KIAA0825: variants seen among roughly 807,000 people sequenced by gnomAD.
KIAA0825 encodes the protein uncharacterized protein KIAA0825.
Under a neutral mutation model 147.6 loss-of-function variants are expected in KIAA0825, and 119 were observed. The observed-to-expected ratio is 0.81, with a 90% CI of 0.69 to 0.94. The LOEUF is 0.94. Among genes scored for constraint, KIAA0825 ranks in the 40% least tolerant of loss-of-function variants. The pLI is 0.00. For synonymous variants in KIAA0825, 470 were observed against 518.1 expected (o/e 0.91, Z 1.26); for missense variants, 1,381 against 1,472.7 (o/e 0.94, Z 1.02).
chr5:94,501,669 C>G (rs1486072559), intron 5 of KIAA0825, among the ~76,000 whole-genome samples: 2 of 152,148 alleles, frequency 1.3e-5, no homozygotes, highest in Non-Finnish European at 2.9e-5. Flanking sequence ...CTTGATGAAT[C>G]TATCTAGATA....
At chr5:94,256,248 C>T (rs911906270) in intron 20 of KIAA0825, among the ~76,000 whole-genome samples, 9 of 152,094 alleles carry the variant, frequency 5.9e-5, no homozygotes, top group African/African-American at 2.2e-4. Context: ...GATGGACCAT[C>T]AACAAGTTTT....
chr5:94,381,992 C>T (rs1279419672), intron 20 of KIAA0825, among the ~76,000 whole-genome samples: 1 of 152,066 alleles, frequency 6.6e-6, no homozygotes, highest in Non-Finnish European at 1.5e-5. Flanking sequence ...GTTCACTTTT[C>T]TTTGTAATAT....
chr5:94,257,680 G>T (rs577637886), intron 20 of KIAA0825, among the ~76,000 whole-genome samples: 8 of 152,170 alleles, frequency 5.3e-5, no homozygotes, highest in Admixed American at 4.6e-4. Context: ...ATAGCCCTGA[G>T]AATCTATAGT....
intron 7 of KIAA0825, among the ~76,000 whole-genome samples, chr5:94,474,647 T>C (rs998276768): frequency 4.6e-5 from 7 of 152,232 alleles, no homozygotes; most frequent in Admixed American, 3.9e-4. Flanking sequence ...TGATTCATTT[T>C]TTAGAGCTAA....
chr5:94,293,897 G>A (rs1005387305), intron 20 of KIAA0825, among the ~76,000 whole-genome samples: 1 of 151,860 alleles, frequency 6.6e-6, no homozygotes, highest in Non-Finnish European at 1.5e-5. Context: ...ATCTTTGTTG[G>A]TTTAAAGTCT....
chr5:94,379,843 T>TC (rs1274195693), intron 20 of KIAA0825, among the ~76,000 whole-genome samples: 2 of 144,256 alleles, frequency 1.4e-5, no homozygotes, highest in African/African-American at 5.2e-5. Flanking sequence ...GGTATTTTAT[T>TC]CTTTTTTTTT....
intron 2 of KIAA0825, among the ~76,000 whole-genome samples, chr5:94,557,242 A>C (rs190793326): frequency 3.3e-5 from 5 of 152,022 alleles, no homozygotes; most frequent in Non-Finnish European, 7.4e-5. Flanking sequence ...ACTCCTCCTA[A>C]CTGGGACTAC....
At chr5:94,347,388 C>T (rs867422683) in intron 20 of KIAA0825, among the ~76,000 whole-genome samples, 4 of 152,332 alleles carry the variant, frequency 2.6e-5, no homozygotes, top group African/African-American at 9.6e-5. Flanking sequence ...TAAAAACCCT[C>T]ACGGAGTTCA....
chr5:94,507,848 G>A (rs1411427332), intron 5 of KIAA0825, among the ~76,000 whole-genome samples: 3 of 152,156 alleles, frequency 2.0e-5, no homozygotes, highest in African/African-American at 7.2e-5. Flanking sequence ...TGTATATGTG[G>A]AAATTTTGAA....
chr5:94,184,161 A>G (rs945351962), intron 20 of KIAA0825, among the ~76,000 whole-genome samples: 5 of 152,198 alleles, frequency 3.3e-5, no homozygotes, highest in African/African-American at 1.2e-4. Flanking sequence ...GAACCCAAAC[A>G]TTTAGTATTC....
chr5:94,234,998 T>C (rs1183809660), intron 20 of KIAA0825, among the ~76,000 whole-genome samples: 1 of 150,942 alleles, frequency 6.6e-6, no homozygotes, highest in Non-Finnish European at 1.5e-5. Context: ...TCTCTCTCCC[T>C]CTCCTTGGGC....
intron 14 of KIAA0825, among the ~76,000 whole-genome samples, chr5:94,430,864 G>C (rs1002496055): frequency 6.6e-6 from 1 of 152,132 alleles, no homozygotes; most frequent in Non-Finnish European, 1.5e-5. Context: ...AATCTCCCAA[G>C]CTATATGCAA....
chr5:94,346,463 C>A (rs1348361304), intron 20 of KIAA0825, among the ~76,000 whole-genome samples: 2 of 152,176 alleles, frequency 1.3e-5, no homozygotes, highest in Non-Finnish European at 2.9e-5. Context: ...CAGACTGCTC[C>A]TGCAGGACCC....
At chr5:94,395,007 T>C (rs1750446186) in intron 17 of KIAA0825, among the ~76,000 whole-genome samples, 1 of 152,234 alleles carries the variant, frequency 6.6e-6, no homozygotes, top group South Asian at 2.1e-4. Flanking sequence ...ACCTTAATAC[T>C]AACCAGTGAA....
intron 20 of KIAA0825, among the ~76,000 whole-genome samples, chr5:94,271,634 G>T (rs1180200520): frequency 1.3e-5 from 2 of 152,128 alleles, no homozygotes; most frequent in East Asian, 3.9e-4. Flanking sequence ...TGTAATCCCA[G>T]CTACTCGGGA....
intron 20 of KIAA0825, among the ~76,000 whole-genome samples, chr5:94,201,263 T>C (rs907792482): frequency 2.0e-5 from 3 of 151,392 alleles, no homozygotes; most frequent in African/African-American, 7.3e-5. Flanking sequence ...ATAGATTTAA[T>C]AAATGTATAA....
At chr5:94,379,318 G>A (rs781287448) in intron 20 of KIAA0825, among the ~76,000 whole-genome samples, 10 of 151,962 alleles carry the variant, frequency 6.6e-5, no homozygotes, top group South Asian at 6.2e-4. Flanking sequence ...AATCTTTTGC[G>A]TATGGCTTGC....
chr5:94,546,819 C>A (rs927078596), intron 2 of KIAA0825, among the ~76,000 whole-genome samples: 1 of 140,116 alleles, frequency 7.1e-6, no homozygotes, highest in Non-Finnish European at 1.5e-5. Context: ...AAAAAAAATC[C>A]GCAAGCATCA....
At chr5:94,198,231 G>T (rs1465996196) in intron 20 of KIAA0825, among the ~76,000 whole-genome samples, 1 of 151,980 alleles carries the variant, frequency 6.6e-6, no homozygotes, top group Non-Finnish European at 1.5e-5. Context: ...CTCGGAATGG[G>T]ATTGCATTCC....
Sources: allele counts gnomAD v4.1 joint callset (sites outside exome capture counted in the v4.1 genomes callset), GRCh38; gene constraint gnomAD v4.1.1; transcripts MANE v1.5; gene names NCBI Gene and HGNC (gene_info 2026-07-23, HGNC 2026-07-21).